Variants in MAP4K3 observed in about 807,000 individuals in gnomAD.
MAP4K3 encodes the protein MAPK/ERK kinase kinase kinase 3.
A neutral mutation model predicts 143.5 loss-of-function variants in MAP4K3; 94 were observed. The ratio of observed to expected loss-of-function variants is 0.65; its 90% CI spans 0.55 to 0.78. The LOEUF is 0.78. MAP4K3 is among the 30% of genes least tolerant of loss of function. The pLI is 0.00. For synonymous variants in MAP4K3, 416 were observed against 347.2 expected (o/e 1.20, Z -2.20); for missense variants, 1,077 against 1,068.1 (o/e 1.01, Z -0.12).
At chr2:39,380,030 G>C (rs1666319348) in intron 1 of MAP4K3, among the ~76,000 whole-genome samples, 1 of 152,044 alleles carries the variant, frequency 6.6e-6, no homozygotes, top group East Asian at 1.9e-4. Context: ...CTATAGGGTT[G>C]ACTTATGAAT....
chr2:39,315,515 AAAT>A, intron 12 of MAP4K3, 127 bp from the exon 13 acceptor site: 1 of 455,702 alleles, frequency 2.2e-6, no homozygotes, highest in Non-Finnish European at 3.5e-6. Context: ...AGCACTTTGC[AAAT>A]TTTTTTTTTT....
At chr2:39,419,024 G>A (rs1367221288) in intron 1 of MAP4K3, among the ~76,000 whole-genome samples, 7 of 152,096 alleles carry the variant, frequency 4.6e-5, no homozygotes, top group Admixed American at 6.5e-5. Flanking sequence ...AACAAAAAAC[G>A]AAACTGGGTT....
intron 1 of MAP4K3, among the ~76,000 whole-genome samples, chr2:39,415,466 A>G: frequency 6.6e-6 from 1 of 152,182 alleles, no homozygotes; most frequent in East Asian, 1.9e-4. Context: ...AGTGGGAAAA[A>G]GGAGACAGTC....
chr2:39,252,933 G>A (rs1411118688), intron 32 of MAP4K3, among the ~76,000 whole-genome samples: 1 of 152,202 alleles, frequency 6.6e-6, no homozygotes, highest in African/African-American at 2.4e-5. Flanking sequence ...TGGGCTGCCT[G>A]TGTAGTTCTC....
At chr2:39,415,802 T>C (rs1036751314) in intron 1 of MAP4K3, among the ~76,000 whole-genome samples, 3 of 149,160 alleles carry the variant, frequency 2.0e-5, no homozygotes, top group South Asian at 2.1e-4. Flanking sequence ...AAATACAAAA[T>C]ATTAGCCAGG....
intron 4 of MAP4K3, among the ~76,000 whole-genome samples, chr2:39,339,328 T>C (rs1304357638): frequency 1.3e-5 from 2 of 152,204 alleles, no homozygotes; most frequent in Non-Finnish European, 2.9e-5. Flanking sequence ...TCTGTTTCTA[T>C]AATATGATAA....
intron 24 of MAP4K3, among the ~76,000 whole-genome samples, chr2:39,277,462 T>G (rs927400356): frequency 1.1e-4 from 17 of 152,240 alleles, no homozygotes; most frequent in African/African-American, 4.1e-4. Context: ...GTGCTGTAGT[T>G]ACTGGTTTAT....
At chr2:39,285,280 G>C (rs934623168) in intron 21 of MAP4K3, among the ~76,000 whole-genome samples, 13 of 152,060 alleles carry the variant, frequency 8.5e-5, no homozygotes, top group Non-Finnish European at 1.8e-4. Context: ...ATTTATTTCA[G>C]AATTACTGAA....
intron 23 of MAP4K3, among the ~76,000 whole-genome samples, chr2:39,280,046 T>C (rs1681449534): frequency 6.6e-6 from 1 of 152,166 alleles, no homozygotes; most frequent in African/African-American, 2.4e-5. Context: ...ATACATGGCT[T>C]CACTATACTG....
At chr2:39,366,821 A>C (rs1665937374) in intron 2 of MAP4K3, among the ~76,000 whole-genome samples, 1 of 152,240 alleles carries the variant, frequency 6.6e-6, no homozygotes, top group Admixed American at 6.5e-5. Context: ...CTAATCTTTA[A>C]AAAGATAAGA....
At chr2:39,310,794 T>C (rs900185843) in intron 13 of MAP4K3, among the ~76,000 whole-genome samples, 2 of 152,194 alleles carry the variant, frequency 1.3e-5, no homozygotes, top group Non-Finnish European at 2.9e-5. Flanking sequence ...TAGGGTGAAA[T>C]GATATCTCAT....
chr2:39,280,325 C>A lies in MAP4K3; in HGVS notation c.1661G>T (p.Gly554Val). Residue 554 changes from glycine (G) to valine (V), a missense_variant, in exon 23 of 34, where the codon GGG becomes GTG. Gly to Val is a moderately radical substitution (Grantham distance 109). This residue lies in a region of MAP4K3 where 864 missense variants were observed against 801.2 expected (regional missense o/e 1.08). Transcript: ENST00000263881. ...MGACFSKVFN[G>V]CPLKIHCASS... ...TGCACAGTGAATTTTCAAGGGACAC[C>A]CATTAAAAACTTTTGAAAAACATGC... The A allele has an allele frequency of 6.2e-7, 1 of 1,602,750 alleles. No individual in the cohort carries two copies. The highest frequency in any genetic ancestry group is 1.3e-5 in the African/African-American group (1 of 74,784).
chr2:39,290,956 G>A (rs1682017642), intron 18 of MAP4K3, among the ~76,000 whole-genome samples: 1 of 152,122 alleles, frequency 6.6e-6, no homozygotes, highest in East Asian at 1.9e-4. Context: ...GCGGGTGCCT[G>A]TAGTCCCAGC....
chr2:39,391,706 G>GT (rs1335109838), intron 1 of MAP4K3, among the ~76,000 whole-genome samples: 1 of 152,088 alleles, frequency 6.6e-6, no homozygotes, highest in Admixed American at 6.6e-5. Flanking sequence ...GCTGGTAAAT[G>GT]TTTAAAAAAA....
intron 1 of MAP4K3, among the ~76,000 whole-genome samples, chr2:39,390,272 G>A (rs893503842): frequency 8.5e-5 from 13 of 152,108 alleles, no homozygotes; most frequent in African/African-American, 1.9e-4. Flanking sequence ...CGATAATCCT[G>A]GCCAAAATGC....
In MAP4K3 at chr2:39,303,160, T is replaced by G. The variant is rs372221298; in HGVS notation, c.1120-3359A>C. 416 of 167,152 alleles carry G rather than the reference T, an allele frequency of 2.5e-3. 4 individuals are homozygous for G. In the South Asian group the frequency reaches 0.038, roughly 15 times the overall value. The allele number at this position is 167,152 out of a possible 1,614,324, so 10.4% of individuals were successfully genotyped here. On this transcript the variant is annotated intron_variant, in intron 15 of 33. Coordinates refer to ENST00000263881, the MANE Select transcript of MAP4K3 (RefSeq NM_003618.4). ...AAAAAAATACTTGAGCAATATATCT[T>G]GACCAAGAAAGAGAACAGGAGAAAT... is the stretch of plus-strand genomic sequence containing the variant.
intron 1 of MAP4K3, among the ~76,000 whole-genome samples, chr2:39,408,149 A>G (rs897064570): frequency 6.6e-6 from 1 of 152,204 alleles, no homozygotes; most frequent in Admixed American, 6.5e-5. Context: ...AATAAAAAAA[A>G]CCATCTAGAT....
intron 30 of MAP4K3, 22 bp downstream of exon 30, chr2:39,258,497 A>T (rs750769888): frequency 6.2e-7 from 1 of 1,607,922 alleles, no homozygotes; most frequent in East Asian, 2.2e-5. Context: ...TTAAAGTAAG[A>T]CATTCATAAA....
At chr2:39,303,994 TCAGA>T (rs1558634767) in intron 15 of MAP4K3, among the ~76,000 whole-genome samples, 2 of 152,222 alleles carry the variant, frequency 1.3e-5, no homozygotes. Context: ...ATTTTGCAGA[TCAGA>T]CAAACTGATT....
Sources: gnomAD v4.1 joint callset for allele counts (sites outside exome capture counted in the v4.1 genomes callset) on GRCh38, gnomAD v4.1.1 for gene constraint, gnomAD v4.1.1 regional missense constraint, MANE v1.5 for transcripts, NCBI Gene and HGNC (gene_info 2026-07-23, HGNC 2026-07-21) for gene names.